Variants in PDE10A observed in about 807,000 individuals in gnomAD.
PDE10A encodes the protein phosphodiesterase 10A, also known as cAMP and cAMP-inhibited cGMP 3',5'-cyclic phosphodiesterase 10A.
A neutral mutation model predicts 97.7 loss-of-function variants in PDE10A; 39 were observed. The ratio of observed to expected loss-of-function variants is 0.40; its 90% CI spans 0.31 to 0.52. PDE10A has a LOEUF of 0.52. PDE10A is among the 20% of genes least tolerant of loss of function. The probability of loss-of-function intolerance (pLI) is 0.56; values close to 1 mark genes in which losing one functional copy is unlikely to be tolerated. For missense variants in PDE10A, 731 were observed against 1,047.8 expected, an observed-to-expected ratio of 0.70 and a Z score of 4.17; for synonymous variants, 371 against 376.8, an observed-to-expected ratio of 0.98 and a Z score of 0.18.
chr6:165,974,691 T>C (rs1433599501), intron 1 of PDE10A, among the ~76,000 whole-genome samples: 1 of 152,246 alleles, frequency 6.6e-6, no homozygotes, highest in Non-Finnish European at 1.5e-5. Context: ...TGGTACCTTC[T>C]CTGGGACCAC....
chr6:165,909,063 C>T (rs1192660066), intron 1 of PDE10A: 1 of 152,014 alleles, frequency 6.6e-6, no homozygotes, highest in Non-Finnish European at 1.5e-5. Flanking sequence ...AAAGGTGCTT[C>T]TCTGTAGAAA....
chr6:165,487,054 C>T (rs940809706), intron 2 of PDE10A, among the ~76,000 whole-genome samples: 14 of 152,202 alleles, frequency 9.2e-5, no homozygotes, highest in African/African-American at 2.4e-4. Flanking sequence ...GGAATGGATC[C>T]GCGACGCATT....
At chr6:165,739,148 C>T (rs896363128) in intron 1 of PDE10A, among the ~76,000 whole-genome samples, 8 of 152,134 alleles carry the variant, frequency 5.3e-5, no homozygotes, top group African/African-American at 1.9e-4. Flanking sequence ...TCCTAAAATT[C>T]ATATGGAATC....
At chr6:165,837,054 TG>T (rs1176034836) in intron 1 of PDE10A, among the ~76,000 whole-genome samples, 1 of 58,474 alleles carries the variant, frequency 1.7e-5, no homozygotes, top group African/African-American at 7.2e-5. Flanking sequence ...TGTTGTGGGG[TG>T]GGGGGAGGGG....
intron 2 of PDE10A, among the ~76,000 whole-genome samples, chr6:165,533,515 A>G (rs1466085826): frequency 1.3e-5 from 2 of 152,166 alleles, no homozygotes; most frequent in Non-Finnish European, 2.9e-5. Context: ...TTATGGGACC[A>G]CCTTCCTTCG....
At chr6:165,854,267 C>T (rs541348616) in intron 1 of PDE10A, among the ~76,000 whole-genome samples, 1 of 152,206 alleles carries the variant, frequency 6.6e-6, no homozygotes, top group East Asian at 1.9e-4. Context: ...GGGAATCGCC[C>T]CTGCGCCGGG....
chr6:165,808,799 C>A (rs1250990429), intron 1 of PDE10A, among the ~76,000 whole-genome samples: 1 of 152,300 alleles, frequency 6.6e-6, no homozygotes, highest in South Asian at 2.1e-4. Flanking sequence ...GGAACATAAC[C>A]TTGAATCCCT....
Position 165,655,091 on chromosome 6 carries a change from C to T in PDE10A, c.865+6856G>A, listed in dbSNP as rs572792413. On this transcript the variant is annotated intron_variant, in intron 1 of 21. Transcript: ENST00000539869. This position sits in a 1 kb window ranked among gnomAD's most constrained non-coding sequence, Gnocchi z 4.5. The stretch of plus-strand genomic sequence containing the variant: ...ACAGAATTCCAGCGGGCCGTCCGTT[C>T]GCGTGTCAAACTTCAGCCAGGCACT... 5.3e-5 allele frequency among the ~76,000 whole-genome samples: 8 copies of T among 152,164 alleles called. No homozygotes were observed. Among genetic ancestry groups the T allele is most frequent in the South Asian group, 4.1e-4 (2 of 4,830 alleles).
chr6:165,927,282 G>C (rs1474296), intron 1 of PDE10A, among the ~76,000 whole-genome samples: 71,810 of 151,924 alleles, frequency 0.47, 17,106 homozygotes, highest in African/African-American at 0.49. Context: ...GTGAAGTATG[G>C]CTTTCAGGAT....
chr6:165,492,727 CAACATTAT>C (rs1250137517), intron 2 of PDE10A, among the ~76,000 whole-genome samples: 2 of 152,118 alleles, frequency 1.3e-5, no homozygotes, highest in Non-Finnish European at 2.9e-5. Context: ...AACCCACAGC[CAACATTAT>C]ATTGAATGTG....
chr6:165,632,605 T>G (rs951456665), intron 1 of PDE10A, among the ~76,000 whole-genome samples: 1 of 152,146 alleles, frequency 6.6e-6, no homozygotes, highest in African/African-American at 2.4e-5. Context: ...ATCCCTGCAG[T>G]TCAAAATAAT....
intron 1 of PDE10A, among the ~76,000 whole-genome samples, chr6:165,843,874 C>A (rs1780330869): frequency 6.6e-6 from 1 of 152,194 alleles, no homozygotes; most frequent in South Asian, 2.1e-4. Flanking sequence ...TAAAGAGAGA[C>A]CTGTGTGGGT....
chr6:165,826,277 G>A (rs185156867), intron 1 of PDE10A, among the ~76,000 whole-genome samples: 188 of 148,886 alleles, frequency 1.3e-3, no homozygotes, highest in East Asian at 4.6e-3. Flanking sequence ...CCTCTGACTC[G>A]ATGTCCCTCT....
At chr6:165,837,999 A>G (rs1780114996) in intron 1 of PDE10A, among the ~76,000 whole-genome samples, 1 of 152,144 alleles carries the variant, frequency 6.6e-6, no homozygotes, top group African/African-American at 2.4e-5. Context: ...TTTTAAAAGC[A>G]GTGCCTTGCT....
chr6:165,378,319 T>G (rs541740452), intron 18 of PDE10A, among the ~76,000 whole-genome samples: 68 of 152,252 alleles, frequency 4.5e-4, no homozygotes, highest in African/African-American at 1.5e-3. Context: ...TAAATCCAAA[T>G]TCAGCAAGAG....
At chr6:165,584,528 CAGCCAGCACCTCTGGGG>C (rs148403652) in intron 1 of PDE10A, among the ~76,000 whole-genome samples, 11,312 of 152,242 alleles carry the variant, frequency 0.074, 583 homozygotes, top group Non-Finnish European at 0.1. Context: ...CTGCAGATGA[CAGCCAGCACCTCTGGGG>C]AGCCAGCACC....
intron 1 of PDE10A, among the ~76,000 whole-genome samples, chr6:165,720,724 A>C (rs1792146817): frequency 6.6e-6 from 1 of 152,176 alleles, no homozygotes. Flanking sequence ...CAGGCGTTTT[A>C]GGTGTTTCAG....
intron 1 of PDE10A, among the ~76,000 whole-genome samples, chr6:165,820,664 A>T (rs568034310): frequency 6.6e-6 from 1 of 152,334 alleles, no homozygotes; most frequent in East Asian, 1.9e-4. Flanking sequence ...ACAAGAAACT[A>T]CCTTACCATG....
chr6:165,797,550 C>G (rs1450214381), intron 1 of PDE10A, among the ~76,000 whole-genome samples: 1 of 152,132 alleles, frequency 6.6e-6, no homozygotes, highest in East Asian at 1.9e-4. Context: ...AATAGTGGAG[C>G]AAAGAGGTTT....
Sources: gnomAD v4.1 joint callset for allele counts (sites outside exome capture counted in the v4.1 genomes callset) on GRCh38, gnomAD v4.1.1 for gene constraint, Gnocchi (gnomAD v3.1) non-coding constraint, MANE v1.5 for transcripts, NCBI Gene and HGNC (gene_info 2026-07-23, HGNC 2026-07-21) for gene names.